Variants in BMPR1B observed in about 807,000 individuals in gnomAD.
The protein encoded by BMPR1B is bone morphogenetic protein receptor type-1B.
A neutral mutation model predicts 59.1 loss-of-function variants in BMPR1B; 12 were observed. The ratio of observed to expected loss-of-function variants is 0.20; its 90% CI spans 0.13 to 0.33. The LOEUF is 0.33. BMPR1B is among the 10% of genes least tolerant of loss of function. The pLI is 1.00. For synonymous variants in BMPR1B, 237 were observed against 207.3 expected (o/e 1.14, Z -1.23); for missense variants, 550 against 610.9 (o/e 0.90, Z 1.05).
At chr4:94,866,442 C>T (rs534027291) in intron 1 of BMPR1B, among the ~76,000 whole-genome samples, 2 of 152,260 alleles carry the variant, frequency 1.3e-5, no homozygotes, top group Admixed American at 6.5e-5. Context: ...TCTTTTTCAT[C>T]CCTGCTAAAC....
chr4:95,086,845 C>G (rs919316367), intron 3 of BMPR1B, among the ~76,000 whole-genome samples: 1 of 152,016 alleles, frequency 6.6e-6, no homozygotes, highest in African/African-American at 2.4e-5. Context: ...TTGCTAACCT[C>G]AAAATAGTTT....
intron 3 of BMPR1B, 96 bp from the exon 4 acceptor site, chr4:95,104,312 A>G: frequency 7.3e-7 from 1 of 1,361,506 alleles, no homozygotes; most frequent in Non-Finnish European, 1.0e-6. Flanking sequence ...TATCTTGAAT[A>G]CTTCATTTTA....
chr4:94,972,487 T>A (rs1730846112), intron 2 of BMPR1B, among the ~76,000 whole-genome samples: 2 of 152,182 alleles, frequency 1.3e-5, no homozygotes, highest in Admixed American at 6.5e-5. Context: ...CCATACATGT[T>A]CATAATATTA....
rs1723689325 is a variant in BMPR1B at position 95,017,834 on chromosome 4, A to G, written c.-18+21700A>G. 2.6e-5 allele frequency among the ~76,000 whole-genome samples: 4 copies of G among 152,208 alleles called. No homozygotes were observed. In the South Asian group the frequency reaches 6.2e-4, roughly 24 times the overall value. On this transcript the variant is annotated intron_variant, in intron 3 of 12. Coordinates refer to ENST00000515059, the MANE Select transcript of BMPR1B (RefSeq NM_001203.3). ...ACATTTTATTCTTCAGGATTTGTAG[A>G]TAGTGTTGTTAGAGAACACCTGCTC...
rs1462938901 is a variant in BMPR1B at position 95,096,741 on chromosome 4, ATAAC to A, written c.-17-7664_-17-7661del. Among the ~76,000 whole-genome samples the A allele has an allele frequency of 2.1e-4, 4 of 19,476 alleles. No homozygotes were observed. In the Admixed American group the frequency reaches 2.2e-3, roughly 10 times the overall value. 12.8% of individuals were successfully genotyped at this position (19,476 alleles called of 152,430 possible). A position where few individuals can be genotyped will look rare whatever the true frequency, so the allele number is the denominator to read the frequency against. ...CATATATAACTATATATAGTTATAT[ATAAC>A]TATATATAGTTATATATAACTATGT... On this transcript the variant is annotated intron_variant, in intron 3 of 12. Transcript: ENST00000515059.
intron 1 of BMPR1B, among the ~76,000 whole-genome samples, chr4:94,795,919 A>G (rs1723172741): frequency 1.3e-5 from 2 of 152,072 alleles, no homozygotes; most frequent in South Asian, 4.2e-4. Context: ...TATCTGGCAT[A>G]GAGACGGTCA....
chr4:95,044,573 C>G (rs1725896900), intron 3 of BMPR1B, among the ~76,000 whole-genome samples: 1 of 152,178 alleles, frequency 6.6e-6, no homozygotes, highest in African/African-American at 2.4e-5. Flanking sequence ...TTTTTTCTCT[C>G]TTTTTACCCC....
chr4:95,014,370 G>A (rs1489432632), intron 3 of BMPR1B, among the ~76,000 whole-genome samples: 1 of 152,036 alleles, frequency 6.6e-6, no homozygotes, highest in Non-Finnish European at 1.5e-5. Context: ...GAATAATTAA[G>A]TTAATAAAAG....
chr4:94,807,244 A>T (rs1040769474), intron 1 of BMPR1B, among the ~76,000 whole-genome samples: 1 of 152,032 alleles, frequency 6.6e-6, no homozygotes, highest in Non-Finnish European at 1.5e-5. Context: ...ACAGATGCCC[A>T]CTACCATGCC....
intron 3 of BMPR1B, among the ~76,000 whole-genome samples, chr4:95,058,060 T>C: frequency 6.6e-6 from 1 of 152,186 alleles, no homozygotes; most frequent in Admixed American, 6.5e-5. Context: ...AGTAGTGTAG[T>C]GACTTGACAG....
Position 95,148,938 on chromosome 4 carries a change from T to C in BMPR1B, c.1252+15T>C. The C allele has an allele frequency of 6.2e-7, 1 of 1,613,782 alleles. No homozygotes were observed. On this transcript the variant is annotated intron_variant, in intron 11 of 12. Transcript: ENST00000515059. ...TGTATCAGGAGGTAAGAAACAGTGC[T>C]GTCTTTGAAAAGCTACTATTGGAGC...
chr4:94,764,849 CT>C (rs1721910690), intron 1 of BMPR1B, among the ~76,000 whole-genome samples: 1 of 152,084 alleles, frequency 6.6e-6, no homozygotes, highest in Non-Finnish European at 1.5e-5. Context: ...AGGCACTGTA[CT>C]AGGCATTGTG....
At chr4:94,974,516 C>T (rs1439635242) in intron 2 of BMPR1B, among the ~76,000 whole-genome samples, 1 of 152,050 alleles carries the variant, frequency 6.6e-6, no homozygotes, top group African/African-American at 2.4e-5. Context: ...TGTTGTCTGC[C>T]TTTTGTAGAC....
chr4:95,051,880 AT>A, intron 3 of BMPR1B: 1 of 1,085,074 alleles, frequency 9.2e-7, no homozygotes, highest in East Asian at 2.7e-5. Flanking sequence ...TTCAATGTCT[AT>A]AAAGTTCCAT....
At chr4:95,139,201 G>T (rs1024271345) in intron 10 of BMPR1B, among the ~76,000 whole-genome samples, 1 of 152,178 alleles carries the variant, frequency 6.6e-6, no homozygotes, top group Non-Finnish European at 1.5e-5. Context: ...GTTTGCCTGG[G>T]TATCACCAGC....
chr4:95,104,593 T>C (rs1213648729), intron 4 of BMPR1B, 26 bp downstream of exon 4: 43 of 1,612,730 alleles, frequency 2.7e-5, no homozygotes, highest in Non-Finnish European at 3.6e-5. Flanking sequence ...GATTTAAAGC[T>C]AGCTTTAACA....
chr4:95,131,783 G>C (rs1362216878), intron 10 of BMPR1B, among the ~76,000 whole-genome samples: 1 of 152,120 alleles, frequency 6.6e-6, no homozygotes, highest in Non-Finnish European at 1.5e-5. Context: ...CTAATTCCTG[G>C]GAATACGTAG....
At chr4:95,154,266 A>G (rs1202771743) in intron 12 of BMPR1B, among the ~76,000 whole-genome samples, 1 of 152,110 alleles carries the variant, frequency 6.6e-6, no homozygotes, top group African/African-American at 2.4e-5. Context: ...TGGAATACAG[A>G]CTCCCTGGGT....
At chr4:95,097,736 C>A (rs1306494170) in intron 3 of BMPR1B, among the ~76,000 whole-genome samples, 1 of 152,062 alleles carries the variant, frequency 6.6e-6, no homozygotes, top group Non-Finnish European at 1.5e-5. Context: ...CAGGGTCTCA[C>A]CATGTTGGCC....
Sources: gnomAD v4.1 joint callset for allele counts (sites outside exome capture counted in the v4.1 genomes callset) on GRCh38, gnomAD v4.1.1 for gene constraint, MANE v1.5 for transcripts, NCBI Gene and HGNC (gene_info 2026-07-23, HGNC 2026-07-21) for gene names.